The following ATXN10 variants were observed in gnomAD, a reference collection of about 807,000 sequenced individuals.
ATXN10 encodes the protein ataxin 10, also known as ataxin-10.
ATXN10 carries 28 observed loss-of-function variants against 52.9 expected under a neutral mutation model. The ratio of observed to expected loss-of-function variants is 0.53; its 90% CI spans 0.39 to 0.73. The LOEUF is 0.73. Among genes scored for constraint, ATXN10 ranks in the 30% least tolerant of loss-of-function variants. The pLI is 0.00. For missense variants in ATXN10, 565 were observed against 577.0 expected (o/e 0.98, Z 0.21); for synonymous variants, 226 against 221.5 (o/e 1.02, Z -0.18).
Position 45,712,251 on chromosome 22 carries a change from G to A in ATXN10, c.648-6162G>A, listed in dbSNP as rs557882529. ...TACCAGGTTTGGGCTCATTCTTGAA[G>A]GAAAAAGAATTCTTGTTATCCAAGG... On this transcript the variant is annotated intron_variant, in intron 5 of 11. Transcript: ENST00000252934. The surrounding 1 kb of genome is among the most constrained non-coding windows in gnomAD (Gnocchi z 4.6). 3.5e-4 allele frequency among the ~76,000 whole-genome samples: 53 copies of A among 152,240 alleles called. No homozygotes were observed. Among genetic ancestry groups the A allele is most frequent in the South Asian group, 1.0e-3 (5 of 4,818 alleles).
chr22:45,700,301 G>A lies in ATXN10; in HGVS notation c.411G>A (p.Gln137=), dbSNP rs369244529. Reference sequence around the variant, plus strand: ...TCTTAGCTTTTCGCTGTGGCCTGCAGTTTTTAGGCAACATTGCCTCACGGA... The same window carrying A: ...TCTTAGCTTTTCGCTGTGGCCTGCAATTTTTAGGCAACATTGCCTCACGGA... ...SLLTAFRCGL[Q]FLGNIASRNE... The change falls in exon 4 of 12, where the codon CAG becomes CAA. Residue 137 remains glutamine (Q), a synonymous_variant. Transcript: ENST00000252934. 55 of 1,613,452 alleles carry A rather than the reference G, an allele frequency of 3.4e-5. No homozygotes were observed. The highest frequency in any genetic ancestry group is 4.5e-5 in the Non-Finnish European group (53 of 1,179,568).
intron 10 of ATXN10, among the ~76,000 whole-genome samples, chr22:45,809,544 T>C (rs535196982): frequency 6.6e-6 from 1 of 152,326 alleles, no homozygotes; most frequent in African/African-American, 2.4e-5. Flanking sequence ...GTGACCTGTT[T>C]ATTTTATGAC....
Position 45,672,009 on chromosome 22 carries a change from C to A in ATXN10, c.-55C>A, listed in dbSNP as rs1007320128. 6 of 1,521,504 alleles carry A rather than the reference C, an allele frequency of 3.9e-6. No homozygotes were observed. The African/African-American group carries it at 6.9e-5, about 18-fold the overall frequency. The allele number at this position is 1,521,504 out of a possible 1,614,324, so 94.3% of individuals were successfully genotyped here. A position where few individuals can be genotyped will look rare whatever the true frequency, so the allele number is the denominator to read the frequency against. On this transcript the variant is annotated 5_prime_UTR_variant, in exon 1 of 12. Transcript: ENST00000252934. ...CTCCCTCCTCGTCATCCTCCCCCTT[C>A]GTCCTCCTCGCCTTCCTCCTCCTCG...
Position 45,769,566 on chromosome 22 carries a change from C to T in ATXN10, c.1173+29028C>T, listed in dbSNP as rs911997137. ...GAGACTATTTCAAAGGAATGAATTACACCAGCAGAGGTACAGAGGAAGAAA... is the reference window on the plus strand; with the variant it reads ...GAGACTATTTCAAAGGAATGAATTATACCAGCAGAGGTACAGAGGAAGAAA... On this transcript the variant is annotated intron_variant, in intron 9 of 11. Coordinates refer to ENST00000252934, the MANE Select transcript of ATXN10 (RefSeq NM_013236.4). This position sits in a 1 kb window ranked among gnomAD's most constrained non-coding sequence, Gnocchi z 4.2. Among the ~76,000 whole-genome samples, 1 of 152,116 alleles carries T rather than the reference C, an allele frequency of 6.6e-6. No homozygotes were observed. Among genetic ancestry groups the T allele is most frequent in the African/African-American group, 2.4e-5 (1 of 41,418 alleles).
chr22:45,782,779 A>G (rs1450146996), intron 9 of ATXN10, among the ~76,000 whole-genome samples: 1 of 152,188 alleles, frequency 6.6e-6, no homozygotes, highest in Non-Finnish European at 1.5e-5. Flanking sequence ...AGAAATGTAT[A>G]CAGTCATCTC....
At chr22:45,800,898 G>A (rs936662902) in intron 9 of ATXN10, among the ~76,000 whole-genome samples, 13 of 152,264 alleles carry the variant, frequency 8.5e-5, no homozygotes, top group African/African-American at 3.1e-4. Context: ...CAGGGGCGAG[G>A]TGAGCTGCAG....
At chr22:45,739,917 G>A (rs1383016928) in intron 8 of ATXN10, among the ~76,000 whole-genome samples, 1 of 152,134 alleles carries the variant, frequency 6.6e-6, no homozygotes, top group African/African-American at 2.4e-5. Flanking sequence ...TGATGATTTG[G>A]CCAGTTGGAT....
chr22:45,753,192 C>G (rs1926047081), intron 9 of ATXN10, among the ~76,000 whole-genome samples: 1 of 150,260 alleles, frequency 6.7e-6, no homozygotes, highest in Non-Finnish European at 1.5e-5. Flanking sequence ...CCCTCCTCCT[C>G]TCCACCCGCG....
intron 10 of ATXN10, among the ~76,000 whole-genome samples, chr22:45,813,893 A>G (rs1400769224): frequency 6.6e-6 from 1 of 152,230 alleles, no homozygotes; most frequent in Admixed American, 6.5e-5. Flanking sequence ...AATATCACCG[A>G]ACAGAATAGA....
At chr22:45,811,693 CCCAGTGCCACCAT>C in intron 10 of ATXN10, 1 of 470,496 alleles carries the variant, frequency 2.1e-6, no homozygotes, top group South Asian at 1.6e-5. Flanking sequence ...TGTCTCTATC[CCCAGTGCCACCAT>C]CCAGTCCACA....
intron 9 of ATXN10, among the ~76,000 whole-genome samples, chr22:45,802,098 G>C (rs974263552): frequency 8.5e-5 from 13 of 152,174 alleles, no homozygotes; most frequent in African/African-American, 2.9e-4. Flanking sequence ...TGGCTAATGT[G>C]GGAAAGAACA....
At chr22:45,832,276 T>A (rs1287346636) in intron 10 of ATXN10, among the ~76,000 whole-genome samples, 3 of 152,224 alleles carry the variant, frequency 2.0e-5, no homozygotes, top group Non-Finnish European at 4.4e-5. Flanking sequence ...TGCTTCTTTT[T>A]ATCCACTCTC....
intron 3 of ATXN10, among the ~76,000 whole-genome samples, chr22:45,699,761 T>G (rs1923767845): frequency 6.6e-6 from 1 of 151,908 alleles, no homozygotes; most frequent in Non-Finnish European, 1.5e-5. Context: ...CCCAGAGTGC[T>G]GGGATTACGG....
chr22:45,810,722 G>C (rs1928253547), intron 10 of ATXN10, among the ~76,000 whole-genome samples: 1 of 152,032 alleles, frequency 6.6e-6, no homozygotes, highest in South Asian at 2.1e-4. Flanking sequence ...GTATTACTTT[G>C]TTGCCATTCA....
At chr22:45,809,918 T>C (rs2146887934) in intron 10 of ATXN10, among the ~76,000 whole-genome samples, 1 of 152,356 alleles carries the variant, frequency 6.6e-6, no homozygotes, top group Middle Eastern at 3.4e-3. Context: ...AGAAATTCTT[T>C]ACTTTTAGTC....
rs73889624 is a variant in ATXN10, at chr22:45,809,106, C to G, written c.1237+2084C>G. Among the ~76,000 whole-genome samples, 4 of 152,218 alleles carry G rather than the reference C, an allele frequency of 2.6e-5. No individual in the cohort carries two copies. In the East Asian group the frequency reaches 7.7e-4, roughly 29 times the overall value. ...AGTTGAATGGTCAGAAACGAAAAAG[C>G]CTTACAGCCTAGAGATTCAGTTTTT... On this transcript the variant is annotated intron_variant, in intron 10 of 11. Transcript: ENST00000252934.
intron 10 of ATXN10, among the ~76,000 whole-genome samples, chr22:45,834,386 A>G (rs1038299745): frequency 6.6e-6 from 1 of 151,972 alleles, no homozygotes; most frequent in African/African-American, 2.4e-5. Flanking sequence ...TAAATCCCCT[A>G]TCGTTAGGAC....
rs1365134569 is a variant in ATXN10 at position 45,677,113 on chromosome 22, A to G, written c.116+4934A>G. Reference sequence around the variant, plus strand: ...AGTGCTCTTCTGTAGTAAGTTTTCTATAGGGGAGATTGTATTTTGACTCTT... The same window carrying G: ...AGTGCTCTTCTGTAGTAAGTTTTCTGTAGGGGAGATTGTATTTTGACTCTT... On this transcript the variant is annotated intron_variant, in intron 1 of 11. Transcript: ENST00000252934. The surrounding 1 kb of genome is among the most constrained non-coding windows in gnomAD (Gnocchi z 4.1). 6.6e-6 allele frequency: 1 copy of G among 152,234 alleles called. No individual in the cohort carries two copies. The highest frequency in any genetic ancestry group is 1.5e-5 in the Non-Finnish European group (1 of 68,036). The allele number at this position is 152,234 out of a possible 1,614,324, so 9.4% of individuals were successfully genotyped here.
Position 45,820,440 on chromosome 22 carries a change from T to G in ATXN10, c.1237+13418T>G, listed in dbSNP as rs920629673. ...TGTGTTTCTTCTAATGATAAGTGACTTGGACTCTGAGCAACTTGGAGGGAA... is the reference window on the plus strand; with the variant it reads ...TGTGTTTCTTCTAATGATAAGTGACGTGGACTCTGAGCAACTTGGAGGGAA... On this transcript the variant is annotated intron_variant, in intron 10 of 11. Coordinates refer to ENST00000252934, the MANE Select transcript of ATXN10 (RefSeq NM_013236.4). This position sits in a 1 kb window ranked among gnomAD's most constrained non-coding sequence, Gnocchi z 4.9. Among the ~76,000 whole-genome samples the G allele has an allele frequency of 1.3e-5, 2 of 152,208 alleles. No individual in the cohort carries two copies. The highest frequency in any genetic ancestry group is 2.9e-5 in the Non-Finnish European group (2 of 68,034).
Sources: allele counts gnomAD v4.1 joint callset (sites outside exome capture counted in the v4.1 genomes callset), GRCh38; gene constraint gnomAD v4.1.1; non-coding constraint Gnocchi (gnomAD v3.1); transcripts MANE v1.5; gene names NCBI Gene and HGNC (gene_info 2026-07-23, HGNC 2026-07-21).